FKBP10: variants seen among roughly 807,000 people sequenced by gnomAD.
FKBP10 encodes peptidyl-prolyl cis-trans isomerase FKBP10.
A neutral mutation model predicts 53.7 loss-of-function variants in FKBP10; 34 were observed. That is an observed-to-expected ratio of 0.63 (90% CI 0.48 to 0.84). The LOEUF is 0.84. FKBP10 is among the 40% of genes least tolerant of loss of function. The pLI, the probability that FKBP10 is intolerant of heterozygous loss-of-function variation, is 0.00. For synonymous variants in FKBP10, 324 were observed against 335.7 expected (o/e 0.97, Z 0.38); for missense variants, 748 against 797.8 (o/e 0.94, Z 0.75).
rs1555615647 is a variant in FKBP10, at chr17:41,813,050, C to G, written c.16C>G (p.Pro6Ala). The change falls in exon 1 of 10, where the codon CCC becomes GCC. Residue 6 changes from proline (P) to alanine (A), a missense_variant. Coordinates refer to ENST00000321562, the MANE Select transcript of FKBP10 (RefSeq NM_021939.4). MFPAGPPSHSLLRLPL... is the reference protein window; with the variant it reads MFPAGAPSHSLLRLPL... The stretch of plus-strand genomic sequence containing the variant: ...TCCAGGCACCATGTTCCCCGCGGGC[C>G]CCCCCAGCCACAGCCTCCTCCGGCT... The G allele has an allele frequency of 1.6e-5, 26 of 1,610,112 alleles. No individual in the cohort carries two copies. The highest frequency in any genetic ancestry group is 2.1e-5 in the Non-Finnish European group (25 of 1,179,630).
chr17:41,818,812 C>A, intron 4 of FKBP10: 1 of 434,306 alleles, frequency 2.3e-6, no homozygotes, highest in South Asian at 2.1e-5. Context: ...AAAAATTAGC[C>A]GGGCGTGGTG....
At position 41,818,489 on chromosome 17, in the gene FKBP10, T is replaced by G; in HGVS notation, c.689T>G (p.Ile230Ser). The part of the protein sequence containing the change: ...GMCPGERRKI[I>S]IPPFLAYGEK... Reference sequence around the variant, plus strand: ...TGTCCTGGAGAGAGAAGGAAGATTATCATCCCTCCATTCCTGGCCTATGGC... The same window carrying G: ...TGTCCTGGAGAGAGAAGGAAGATTAGCATCCCTCCATTCCTGGCCTATGGC... Residue 230 changes from isoleucine (I) to serine (S), a missense_variant, in exon 4 of 10, where the codon ATC (isoleucine) becomes AGC (serine). By Grantham distance (142) the Ile-to-Ser change is moderately radical. Coordinates refer to ENST00000321562, the MANE Select transcript of FKBP10 (RefSeq NM_021939.4). The G allele has an allele frequency of 2.5e-6, 4 of 1,614,164 alleles. No individual in the cohort carries two copies. Among genetic ancestry groups the G allele is most frequent in the Non-Finnish European group, 3.4e-6 (4 of 1,180,028 alleles).
At chr17:41,816,946 T>A in intron 1 of FKBP10, 112 bp from the exon 2 acceptor site, 1 of 1,402,336 alleles carries the variant, frequency 7.1e-7, no homozygotes, top group Non-Finnish European at 1.0e-6. Flanking sequence ...CACCTGGCTA[T>A]AGGGAGGGGG....
At position 41,821,003 on chromosome 17, in the gene FKBP10, G is replaced by T. The variant is rs2047883969; in HGVS notation, c.1313G>T (p.Gly438Val). The T allele has an allele frequency of 6.2e-6, 10 of 1,609,480 alleles. No individual in the cohort carries two copies. Among genetic ancestry groups the T allele is most frequent in the Non-Finnish European group, 8.5e-6 (10 of 1,178,264 alleles). ...CTCGGGGCCAACAAGGTGATCGAAGGCCTGGACACGGGCCTGCAGGGCATG... is the reference window on the plus strand; with the variant it reads ...CTCGGGGCCAACAAGGTGATCGAAGTCCTGGACACGGGCCTGCAGGGCATG... ...ATLGANKVIE[G>V]LDTGLQGMCV... Residue 438 changes from glycine (G) to valine (V), a missense_variant, in exon 8 of 10, where the codon GGC becomes GTC. Coordinates refer to ENST00000321562, the MANE Select transcript of FKBP10 (RefSeq NM_021939.4).
In FKBP10 at chr17:41,822,408, AG is replaced by A. The variant is rs782223013; in HGVS notation, c.*4del. ...AGGAGCGGGTCCACGAGGAGCTCTG[AG>A]GGGCAGGGAGCCTGGCCAGGCCTGA... On this transcript the variant is annotated 3_prime_UTR_variant, in exon 10 of 10. Transcript: ENST00000321562. The A allele has an allele frequency of 5.6e-6, 9 of 1,599,974 alleles. No homozygotes were observed. In the African/African-American group the frequency reaches 1.2e-4, roughly 21 times the overall value.
rs2047908779 is a variant in FKBP10, at chr17:41,822,794, C to G, written c.*386C>G. On this transcript the variant is annotated 3_prime_UTR_variant, in exon 10 of 10. Transcript: ENST00000321562. ...CTCTTTCTTTGTACTTCTTGTCATC[C>G]CCACTCCCAGCCCCTTTTCCTCTAT... The G allele has an allele frequency of 5.8e-6, 2 of 346,720 alleles. No individual in the cohort carries two copies. 21.5% of individuals were successfully genotyped at this position (346,720 alleles called of 1,614,324 possible). A position where few individuals can be genotyped will look rare whatever the true frequency, so the allele number is the denominator to read the frequency against.
chr17:41,820,413 G>A lies in FKBP10; in HGVS notation c.1208G>A (p.Arg403Gln), dbSNP rs886044826. Residue 403 changes from arginine to glutamine, a missense_variant, in exon 7 of 10, where the codon CGA becomes CAA. Transcript: ENST00000321562. ...NETTKLGDFVRYHYNCSLLDG... is the reference protein window; with the variant it reads ...NETTKLGDFVQYHYNCSLLDG... ...ACCACCAAGCTTGGGGACTTTGTTC[G>A]ATACCATTACAACTGTTCTTTGCTG... 8.1e-6 allele frequency: 13 copies of A among 1,613,632 alleles called. No homozygotes were observed. The highest frequency in any genetic ancestry group is 2.7e-5 in the African/African-American group (2 of 74,904).
At chr17:41,820,009 A>G (rs1346545676) in intron 6 of FKBP10, 33 of 1,501,722 alleles carry the variant, frequency 2.2e-5, no homozygotes, top group Non-Finnish European at 2.7e-5. Flanking sequence ...TGGGCAAGCC[A>G]TGCTGATCCG....
At chr17:41,815,242 A>G (rs1170069128) in intron 1 of FKBP10, among the ~76,000 whole-genome samples, 1 of 152,182 alleles carries the variant, frequency 6.6e-6, no homozygotes, top group Non-Finnish European at 1.5e-5. Context: ...ACAGTCAGAC[A>G]TGCCACCCCA....
At chr17:41,815,527 G>A (rs1002958155) in intron 1 of FKBP10, among the ~76,000 whole-genome samples, 18 of 150,356 alleles carry the variant, frequency 1.2e-4, no homozygotes, top group South Asian at 2.1e-4. Flanking sequence ...GTGCAGTAGC[G>A]CGATCTCTGC....
chr17:41,813,187 C>T lies in FKBP10; in HGVS notation c.153C>T (p.Ile51=). ...LEDVVIERYH[I]PRACPREVQM... is the part of the protein sequence containing the mutation. ...ATGTGGTCATCGAGAGGTACCACATCCCCAGGGCCTGTCCCCGGGAAGTGC... is the reference window on the plus strand; with the variant it reads ...ATGTGGTCATCGAGAGGTACCACATTCCCAGGGCCTGTCCCCGGGAAGTGC... Residue 51 remains isoleucine, a synonymous_variant, in exon 1 of 10, where the codon ATC becomes ATT. Coordinates refer to ENST00000321562, the MANE Select transcript of FKBP10 (RefSeq NM_021939.4). The T allele has an allele frequency of 6.2e-7, 1 of 1,613,162 alleles. No individual in the cohort carries two copies. Among genetic ancestry groups the T allele is most frequent in the Middle Eastern group, 1.7e-4 (1 of 6,056 alleles).
intron 1 of FKBP10, 137 bp from the exon 2 acceptor site, chr17:41,816,921 G>C (rs1405434054): frequency 1.6e-6 from 2 of 1,259,040 alleles, no homozygotes; most frequent in Non-Finnish European, 1.1e-6. Context: ...GGTGAGAAGT[G>C]TGTGTGCGTA....
chr17:41,821,111 CTTTTTTT>C (rs10522999), intron 8 of FKBP10, 22 bp downstream of exon 8: 1,524 of 548,920 alleles, frequency 2.8e-3, no homozygotes, highest in Middle Eastern at 3.5e-3. Flanking sequence ...AGACCATAAT[CTTTTTTT>C]TTTTTTTTTT....
intron 2 of FKBP10, among the ~76,000 whole-genome samples, chr17:41,817,621 C>G (rs1244684092): frequency 1.9e-5 from 2 of 107,664 alleles, no homozygotes; most frequent in African/African-American, 6.2e-5. Flanking sequence ...CAAAACCCCT[C>G]TTTTTTTCTT....
Position 41,820,976 on chromosome 17 carries a change from C to T in FKBP10, c.1286C>T (p.Thr429Ile), listed in dbSNP as rs782547176. The T allele has an allele frequency of 1.6e-5, 25 of 1,611,998 alleles. No homozygotes were observed. The highest frequency in any genetic ancestry group is 2.1e-5 in the Non-Finnish European group (25 of 1,179,456). Reference sequence around the variant, plus strand: ...GACTACGGGGCCCCCCAGGAGGCGACTCTCGGGGCCAACAAGGTGATCGAA... The same window carrying T: ...GACTACGGGGCCCCCCAGGAGGCGATTCTCGGGGCCAACAAGGTGATCGAA... ...SHDYGAPQEATLGANKVIEGL... is the reference protein window; with the variant it reads ...SHDYGAPQEAILGANKVIEGL... The change falls in exon 8 of 10, where the codon ACT becomes ATT. Residue 429 changes from threonine to isoleucine, a missense_variant. Coordinates refer to ENST00000321562, the MANE Select transcript of FKBP10 (RefSeq NM_021939.4).
intron 1 of FKBP10, among the ~76,000 whole-genome samples, chr17:41,814,007 G>A (rs1192286422): frequency 6.6e-6 from 1 of 152,168 alleles, no homozygotes; most frequent in Admixed American, 6.5e-5. Flanking sequence ...TGCCAGCCTT[G>A]GGGTTTGTAA....
chr17:41,823,113 T>G lies in FKBP10; in HGVS notation c.*705T>G, dbSNP rs2047912461. ...GTGTTAGGGCTATGAAATCTTGGAT[T>G]TGGGGCTGAGGGGTGGGAGGGAGGG... is the stretch of plus-strand genomic sequence containing the variant. On this transcript the variant is annotated 3_prime_UTR_variant, in exon 10 of 10. Coordinates refer to ENST00000321562, the MANE Select transcript of FKBP10 (RefSeq NM_021939.4). 7.1e-6 allele frequency: 1 copy of G among 140,636 alleles called. No homozygotes were observed. Among genetic ancestry groups the G allele is most frequent in the Admixed American group, 7.0e-5 (1 of 14,388 alleles). 8.7% of individuals were successfully genotyped at this position (140,636 alleles called of 1,614,324 possible). A position where few individuals can be genotyped will look rare whatever the true frequency, so the allele number is the denominator to read the frequency against.
In FKBP10 at chr17:41,820,469, C is replaced by CGG. The variant is rs55720039; in HGVS notation, c.1256+16_1256+17dup. On this transcript the variant is annotated intron_variant, in intron 7 of 9. Transcript: ENST00000321562. ...CACCCAGCTGTTCACCTCGTGGGTC[C>CGG]GGGGGGGGGCCGGGACTGGGCAGGT... 6 of 934,870 alleles carry CGG rather than the reference C, an allele frequency of 6.4e-6. No individual in the cohort carries two copies. The highest frequency in any genetic ancestry group is 3.6e-5 in the East Asian group (1 of 28,132). 57.9% of individuals were successfully genotyped at this position (934,870 alleles called of 1,614,324 possible).
rs531033717 is a variant in FKBP10 at position 41,821,903 on chromosome 17, A to G, written c.1563+86A>G. On this transcript the variant is annotated intron_variant, in intron 9 of 9. Coordinates refer to ENST00000321562, the MANE Select transcript of FKBP10 (RefSeq NM_021939.4). ...GAGGAAGAAGACGTCCCCCGTCCGG[A>G]CTGCCCACCCGCCCTGGTGCTCCTG... is the stretch of plus-strand genomic sequence containing the variant. 1.9e-6 allele frequency: 3 copies of G among 1,547,152 alleles called. No homozygotes were observed. In the East Asian group the frequency reaches 6.8e-5, roughly 35 times the overall value.
Sources: allele counts gnomAD v4.1 joint callset (sites outside exome capture counted in the v4.1 genomes callset), GRCh38; gene constraint gnomAD v4.1.1; transcripts MANE v1.5; gene names NCBI Gene and HGNC (gene_info 2026-07-23, HGNC 2026-07-21).